RARB: variants seen among roughly 807,000 people sequenced by gnomAD.
RARB encodes the protein HBV-activated protein.
A neutral mutation model predicts 51.9 loss-of-function variants in RARB; 17 were observed. That is an observed-to-expected ratio of 0.33 (90% confidence interval 0.22 to 0.49). The LOEUF is 0.49. Ranked by LOEUF, RARB falls within the 20% of genes least tolerant of loss-of-function variation. RARB has a pLI of 0.99. For synonymous variants in RARB, 215 were observed against 195.4 expected (o/e 1.10, Z -0.84); for missense variants, 369 against 550.8 (o/e 0.67, Z 3.30).
chr3:25,282,521 C>T (rs950570763), intron 5 of RARB, among the ~76,000 whole-genome samples: 3 of 152,088 alleles, frequency 2.0e-5, no homozygotes, highest in Non-Finnish European at 4.4e-5. Flanking sequence ...ATCATGTATT[C>T]CCACACATAG....
chr3:24,870,322 G>T (rs1702923554), intron 2 of RARB, among the ~76,000 whole-genome samples: 1 of 151,938 alleles, frequency 6.6e-6, no homozygotes, highest in Non-Finnish European at 1.5e-5. Context: ...ATTGATGTCT[G>T]TAACTGATGT....
chr3:24,921,716 G>T (rs923153574), intron 2 of RARB, among the ~76,000 whole-genome samples: 5 of 152,094 alleles, frequency 3.3e-5, no homozygotes, highest in African/African-American at 1.2e-4. Context: ...CTCATCTTAA[G>T]CAATGCCCTC....
intron 3 of RARB, among the ~76,000 whole-genome samples, chr3:25,128,041 A>G (rs1041632759): frequency 1.3e-5 from 2 of 152,118 alleles, no homozygotes; most frequent in African/African-American, 4.8e-5. Flanking sequence ...AACATTTGCT[A>G]ACCGGTTGCC....
chr3:25,272,452 A>T (rs960805790), intron 5 of RARB, among the ~76,000 whole-genome samples: 1 of 152,190 alleles, frequency 6.6e-6, no homozygotes. Context: ...GGACCCGGAC[A>T]TGGTAGTCAT....
intron 5 of RARB, among the ~76,000 whole-genome samples, chr3:25,412,035 A>G (rs1377577828): frequency 6.6e-6 from 1 of 152,180 alleles, no homozygotes; most frequent in Non-Finnish European, 1.5e-5. Flanking sequence ...GGAATTGTAG[A>G]TAGCATGAGG....
intron 1 of RARB, among the ~76,000 whole-genome samples, chr3:25,448,534 C>T (rs982454039): frequency 6.6e-6 from 1 of 152,088 alleles, no homozygotes; most frequent in South Asian, 2.1e-4. Context: ...GTGGTATGAT[C>T]TCGGCTCACC....
chr3:25,406,270 G>A (rs575758721), intron 5 of RARB, among the ~76,000 whole-genome samples: 3 of 152,190 alleles, frequency 2.0e-5, no homozygotes, highest in Non-Finnish European at 4.4e-5. Flanking sequence ...TTGTCCTCCT[G>A]TATATAGGAA....
At chr3:24,926,160 T>A (rs1282274364) in intron 2 of RARB, among the ~76,000 whole-genome samples, 1 of 152,150 alleles carries the variant, frequency 6.6e-6, no homozygotes, top group Admixed American at 6.6e-5. Flanking sequence ...GAGTTTTGTT[T>A]GACCAAAGAG....
intron 5 of RARB, among the ~76,000 whole-genome samples, chr3:25,307,250 G>A (rs1377007105): frequency 2.0e-5 from 3 of 152,016 alleles, no homozygotes; most frequent in Non-Finnish European, 4.4e-5. Context: ...AGCCGGGTGT[G>A]GTGGTGCACA....
chr3:25,323,650 T>C (rs1704632502), intron 5 of RARB, among the ~76,000 whole-genome samples: 1 of 152,170 alleles, frequency 6.6e-6, no homozygotes, highest in Admixed American at 6.5e-5. Context: ...TTAGCTCTAG[T>C]TTAGAACTCT....
intron 2 of RARB, among the ~76,000 whole-genome samples, chr3:24,866,889 A>T (rs1002504984): frequency 6.6e-6 from 1 of 152,070 alleles, no homozygotes; most frequent in African/African-American, 2.4e-5. Context: ...GTTTGGCGGG[A>T]GAAAGGGAGA....
intron 2 of RARB, among the ~76,000 whole-genome samples, chr3:24,985,589 C>A (rs985938465): frequency 2.0e-5 from 3 of 152,154 alleles, no homozygotes; most frequent in Admixed American, 6.5e-5. Context: ...GTCAAGAACC[C>A]TTTGGTTTGA....
Position 24,865,364 on chromosome 3 carries a change from C to T in RARB, c.-380+6612C>T, listed in dbSNP as rs527657762. Reference sequence around the variant, plus strand: ...GATGCTTGCAGTTTGACCCATGTTGCTCGAGGGTCAACTGTATTTTTTTTA... The same window carrying T: ...GATGCTTGCAGTTTGACCCATGTTGTTCGAGGGTCAACTGTATTTTTTTTA... On this transcript the variant is annotated intron_variant, in intron 2 of 11. Transcript: ENST00000383772. Among the ~76,000 whole-genome samples the T allele has an allele frequency of 5.9e-5, 9 of 152,232 alleles. 1 individual carries two copies. The highest frequency in any genetic ancestry group is 4.2e-4 in the South Asian group (2 of 4,818).
At chr3:24,952,823 G>C (rs560002339) in intron 2 of RARB, among the ~76,000 whole-genome samples, 2 of 151,758 alleles carry the variant, frequency 1.3e-5, no homozygotes, top group Non-Finnish European at 2.9e-5. Flanking sequence ...GTAACTCATT[G>C]AATTTAAGGT....
chr3:24,966,980 C>G (rs1206944103), intron 2 of RARB, among the ~76,000 whole-genome samples: 3 of 152,156 alleles, frequency 2.0e-5, no homozygotes, highest in Admixed American at 6.5e-5. Context: ...ATGGAAGTCA[C>G]AAACCAGATG....
intron 2 of RARB, among the ~76,000 whole-genome samples, chr3:25,034,558 A>G (rs1697942623): frequency 6.6e-6 from 1 of 152,240 alleles, no homozygotes; most frequent in South Asian, 2.1e-4. Context: ...ATGTGCAAAG[A>G]GTAAACCTTC....
intron 3 of RARB, among the ~76,000 whole-genome samples, chr3:25,536,381 A>G (rs1699141408): frequency 6.6e-6 from 1 of 150,566 alleles, no homozygotes; most frequent in Non-Finnish European, 1.5e-5. Context: ...CATGCCTCAG[A>G]AGACTTAGCA....
chr3:24,981,661 A>C (rs1037238937), intron 2 of RARB, among the ~76,000 whole-genome samples: 1 of 152,102 alleles, frequency 6.6e-6, no homozygotes, highest in Non-Finnish European at 1.5e-5. Flanking sequence ...TTTGGGCAGG[A>C]GTGCATGGCT....
chr3:25,205,619 C>T (rs531010181), intron 5 of RARB, among the ~76,000 whole-genome samples: 3 of 152,276 alleles, frequency 2.0e-5, no homozygotes, highest in African/African-American at 7.2e-5. Context: ...AGGTGATGGA[C>T]TCCCCATTTA....
Sources: gnomAD v4.1 joint callset for allele counts (sites outside exome capture counted in the v4.1 genomes callset) on GRCh38, gnomAD v4.1.1 for gene constraint, MANE v1.5 for transcripts, NCBI Gene and HGNC (gene_info 2026-07-23, HGNC 2026-07-21) for gene names.